Variants in MACROD2 observed in about 807,000 individuals in gnomAD.
MACROD2 encodes ADP-ribose glycohydrolase MACROD2.
A neutral mutation model predicts 70.4 loss-of-function variants in MACROD2; 36 were observed. That is an observed-to-expected ratio of 0.51 (90% CI 0.39 to 0.68). The LOEUF (loss-of-function observed/expected upper bound fraction) is 0.68. Ranked by LOEUF, MACROD2 falls within the 30% of genes least tolerant of loss-of-function variation. The pLI is 0.00. For missense variants in MACROD2, 496 were observed against 538.4 expected (o/e 0.92, Z 0.78); for synonymous variants, 172 against 178.8 (o/e 0.96, Z 0.30).
intron 3 of MACROD2, among the ~76,000 whole-genome samples, chr20:14,302,019 C>T (rs1050618841): frequency 4.6e-5 from 7 of 152,076 alleles, no homozygotes; most frequent in African/African-American, 1.7e-4. Flanking sequence ...ACAGAAAGTA[C>T]AGTATATAGT....
intron 3 of MACROD2, among the ~76,000 whole-genome samples, chr20:14,256,026 C>T (rs891061569): frequency 6.6e-6 from 1 of 151,864 alleles, no homozygotes; most frequent in African/African-American, 2.4e-5. Flanking sequence ...CCCATTTTGT[C>T]TGTCCCCCAA....
intron 4 of MACROD2, among the ~76,000 whole-genome samples, chr20:14,680,471 G>GA (rs2070918637): frequency 6.6e-6 from 1 of 152,038 alleles, no homozygotes; most frequent in Non-Finnish European, 1.5e-5. Flanking sequence ...TAGAACTTAA[G>GA]AAAAAATTGA....
chr20:15,085,304 G>A (rs2075738297), intron 5 of MACROD2, among the ~76,000 whole-genome samples: 1 of 152,110 alleles, frequency 6.6e-6, no homozygotes, highest in Admixed American at 6.6e-5. Context: ...AGAGAATTTA[G>A]GGATGCATTT....
chr20:15,955,188 G>T (rs570354057), intron 12 of MACROD2, among the ~76,000 whole-genome samples: 1 of 152,204 alleles, frequency 6.6e-6, no homozygotes, highest in Admixed American at 6.6e-5. Flanking sequence ...TTGGAAGAAG[G>T]ACATCAGAAG....
intron 6 of MACROD2, among the ~76,000 whole-genome samples, chr20:15,364,528 GACTATCTTTCCATAA>G (rs1022286155): frequency 1.8e-4 from 28 of 152,298 alleles, no homozygotes; most frequent in African/African-American, 6.7e-4. Context: ...GGTTCTTATT[GACTATCTTTCCATAA>G]ACCAGATCAA....
At chr20:14,113,045 G>A (rs1057417154) in intron 3 of MACROD2, among the ~76,000 whole-genome samples, 2 of 151,798 alleles carry the variant, frequency 1.3e-5, no homozygotes, top group African/African-American at 4.8e-5. Context: ...AATAATAATG[G>A]TTTATTAAAC....
At chr20:15,632,142 C>T (rs1435461596) in intron 8 of MACROD2, among the ~76,000 whole-genome samples, 4 of 149,596 alleles carry the variant, frequency 2.7e-5, no homozygotes, top group Non-Finnish European at 3.0e-5. Flanking sequence ...TGAGCTTGAG[C>T]GAGTTTGAGC....
chr20:14,136,030 AC>A (rs545737823), intron 3 of MACROD2, among the ~76,000 whole-genome samples: 4 of 152,230 alleles, frequency 2.6e-5, no homozygotes. Context: ...GAATGGAAGG[AC>A]ATAAGTAAAA....
At chr20:15,423,502 A>G (rs758954374) in intron 6 of MACROD2, among the ~76,000 whole-genome samples, 1 of 152,108 alleles carries the variant, frequency 6.6e-6, no homozygotes, top group Admixed American at 6.5e-5. Context: ...TAAACAACTT[A>G]TATTTCTCAC....
At chr20:15,229,853 A>G in intron 5 of MACROD2, 87 bp from the exon 6 acceptor site, 2 of 1,338,182 alleles carry the variant, frequency 1.5e-6, no homozygotes, top group Non-Finnish European at 2.0e-6. Context: ...TCTAACACAA[A>G]TACCTAAAAT....
chr20:14,041,351 C>T (rs938246651), intron 2 of MACROD2, among the ~76,000 whole-genome samples: 1 of 152,052 alleles, frequency 6.6e-6, no homozygotes, highest in Non-Finnish European at 1.5e-5. Context: ...GTTTGAGGCT[C>T]CTCTAAGGAA....
chr20:14,355,358 C>G (rs1300834955), intron 3 of MACROD2, among the ~76,000 whole-genome samples: 3 of 152,094 alleles, frequency 2.0e-5, no homozygotes, highest in African/African-American at 7.2e-5. Context: ...AAAGTGATAA[C>G]TTTCTGGAAA....
chr20:15,255,341 A>G (rs924482352), intron 6 of MACROD2, among the ~76,000 whole-genome samples: 1 of 152,122 alleles, frequency 6.6e-6, no homozygotes, highest in Non-Finnish European at 1.5e-5. Context: ...CTGTCCAAGC[A>G]CTTGCCACTT....
chr20:14,784,228 T>C (rs952305346), intron 5 of MACROD2, among the ~76,000 whole-genome samples: 2 of 152,096 alleles, frequency 1.3e-5, no homozygotes, highest in African/African-American at 4.8e-5. Context: ...CCCTTTCCTT[T>C]GCTGTTTTTG....
At chr20:15,540,237 C>A (rs1186997865) in intron 8 of MACROD2, among the ~76,000 whole-genome samples, 1 of 152,186 alleles carries the variant, frequency 6.6e-6, no homozygotes, top group African/African-American at 2.4e-5. Context: ...TGGTAAGGAG[C>A]AAACCGTGAC....
chr20:15,961,167 A>G (rs1457734270), intron 12 of MACROD2, among the ~76,000 whole-genome samples: 1 of 152,172 alleles, frequency 6.6e-6, no homozygotes, highest in African/African-American at 2.4e-5. Context: ...AATTGAAGAA[A>G]GAAAAAAACA....
intron 5 of MACROD2, among the ~76,000 whole-genome samples, chr20:15,039,223 G>A (rs1356327072): frequency 1.3e-5 from 2 of 152,188 alleles, no homozygotes; most frequent in Non-Finnish European, 2.9e-5. Context: ...ATAATTTGAT[G>A]TTAATGAAGT....
intron 8 of MACROD2, among the ~76,000 whole-genome samples, chr20:15,815,858 A>G (rs1057465386): frequency 1.3e-5 from 2 of 152,150 alleles, no homozygotes; most frequent in Admixed American, 1.3e-4. Context: ...GTTTTTTTCC[A>G]TGATGTTGAT....
At chr20:14,683,174 C>T (rs111828109) in intron 4 of MACROD2, among the ~76,000 whole-genome samples, 4,585 of 152,158 alleles carry the variant, frequency 0.03, 100 homozygotes, top group Non-Finnish European at 0.044. Context: ...CCACTGTGCC[C>T]GGCCTTTATT....
Sources: gnomAD v4.1 joint callset for allele counts (sites outside exome capture counted in the v4.1 genomes callset) on GRCh38, gnomAD v4.1.1 for gene constraint, MANE v1.5 for transcripts, NCBI Gene and HGNC (gene_info 2026-07-23, HGNC 2026-07-21) for gene names.